The following GPC4 variants were observed in gnomAD, a reference collection of about 807,000 sequenced individuals.
GPC4 encodes the protein glypican 4, also known as glypican-4.
Under a neutral mutation model 35.0 loss-of-function variants are expected in GPC4, and 10 were observed. The ratio of observed to expected loss-of-function variants is 0.29; its 90% confidence interval spans 0.18 to 0.48. The LOEUF (loss-of-function observed/expected upper bound fraction) is 0.48, where lower values mean the gene tolerates loss of function less well. Among genes scored for constraint, GPC4 ranks in the 20% least tolerant of loss-of-function variants. The pLI is 0.99. For synonymous variants in GPC4, 167 were observed against 170.2 expected (o/e 0.98, Z 0.15); for missense variants, 322 against 451.3 (o/e 0.71, Z 2.60).
intron 1 of GPC4, among the ~76,000 whole-genome samples, chrX:133,370,953 T>C (rs2068610374): frequency 8.9e-6 from 1 of 112,283 alleles, no homozygotes; most frequent in African/African-American, 3.2e-5. Context: ...CAATCCTTAA[T>C]GCTTTTGTTT....
chrX:133,332,406 AT>A (rs1317802439), intron 2 of GPC4, among the ~76,000 whole-genome samples: 2 of 106,945 alleles, frequency 1.9e-5, no homozygotes, highest in Non-Finnish European at 3.9e-5. Context: ...CAGAAGCATC[AT>A]TTTTTTTTTC....
intron 1 of GPC4, among the ~76,000 whole-genome samples, chrX:133,368,947 A>G (rs1287222456): frequency 9.0e-6 from 1 of 111,342 alleles, no homozygotes; most frequent in Non-Finnish European, 1.9e-5. Flanking sequence ...CGCCCGACCG[A>G]GTAACATTAT....
intron 1 of GPC4, among the ~76,000 whole-genome samples, chrX:133,402,761 A>G (rs1385730085): frequency 2.7e-5 from 3 of 110,123 alleles, no homozygotes; most frequent in Middle Eastern, 4.3e-3. Context: ...AAATTAGCCG[A>G]GCATGGTGGC....
In GPC4 at chrX:133,318,129, T is replaced by A. The variant is rs749652076; in HGVS notation, c.711+6016A>T. The stretch of plus-strand genomic sequence containing the variant: ...TTCAATTTGACACCTCCTGTACTCC[T>A]ACCATCCTCACCCCTTCCCCACTCC... On this transcript the variant is annotated intron_variant, in intron 3 of 8. Coordinates refer to ENST00000370828, the MANE Select transcript of GPC4 (RefSeq NM_001448.3). Among the ~76,000 whole-genome samples, 4 of 111,809 alleles carry A rather than the reference T, an allele frequency of 3.6e-5. No individual in the cohort carries two copies. In the South Asian group the frequency reaches 1.1e-3, roughly 32 times the overall value.
At chrX:133,325,198 G>A (rs1208875836) in intron 2 of GPC4, among the ~76,000 whole-genome samples, 2 of 110,609 alleles carry the variant, frequency 1.8e-5, no homozygotes, top group African/African-American at 6.6e-5. Flanking sequence ...TATCCAGCTT[G>A]ATCCTGGGTT....
intron 2 of GPC4, among the ~76,000 whole-genome samples, chrX:133,330,860 T>G (rs1257251620): frequency 9.0e-6 from 1 of 110,951 alleles, no homozygotes; most frequent in Non-Finnish European, 1.9e-5. Flanking sequence ...GGAGAATCGC[T>G]TAAGCCCAGG....
chrX:133,359,494 A>G (rs1002602913), intron 1 of GPC4, among the ~76,000 whole-genome samples: 2 of 111,540 alleles, frequency 1.8e-5, no homozygotes, highest in Non-Finnish European at 3.8e-5. Context: ...TTAAACACAA[A>G]ATAAAATCTA....
In GPC4 at chrX:133,319,721, C is replaced by T. The variant is rs767137776; in HGVS notation, c.711+4424G>A. 1.6e-3 allele frequency among the ~76,000 whole-genome samples: 178 copies of T among 110,910 alleles called. 1 individual carries two copies. Among genetic ancestry groups the T allele is most frequent in the African/African-American group, 5.5e-3 (168 of 30,513 alleles). On this transcript the variant is annotated intron_variant, in intron 3 of 8. Transcript: ENST00000370828. ...TATATAAAAAACATTACTTGGGTAT[C>T]CAAACTGGTAGAGAATCTTATTTAT...
chrX:133,301,401 T>C lies in GPC4; in HGVS notation c.*1466A>G, dbSNP rs150900762. On this transcript the variant is annotated 3_prime_UTR_variant, in exon 9 of 9. Transcript: ENST00000370828. ...GATTTGTTACATTATCAGAGTTTTA[T>C]GAGCTATCATTTGGTAAGGACACAA... 199 of 112,844 alleles carry C rather than the reference T, an allele frequency of 1.8e-3. No individual in the cohort carries two copies. The highest frequency in any genetic ancestry group is 5.2e-3 in the African/African-American group (161 of 31,138). 9.3% of individuals were successfully genotyped at this position (112,844 alleles called of 1,213,427 possible).
At chrX:133,320,829 G>A (rs1489963181) in intron 3 of GPC4, among the ~76,000 whole-genome samples, 7 of 108,874 alleles carry the variant, frequency 6.4e-5, no homozygotes, top group South Asian at 4.0e-4. Context: ...GCAACACAGC[G>A]CGACTCTGTC....
At chrX:133,366,003 G>C (rs2068588272) in intron 1 of GPC4, among the ~76,000 whole-genome samples, 1 of 112,059 alleles carries the variant, frequency 8.9e-6, no homozygotes, top group African/African-American at 3.2e-5. Context: ...TCCCTCAAGA[G>C]CTGGACAGAA....
chrX:133,300,381 G>C lies in GPC4; in HGVS notation c.*2486C>G, dbSNP rs887521111. 1 of 112,179 alleles carries C rather than the reference G, an allele frequency of 8.9e-6. No homozygotes were observed. Among genetic ancestry groups the C allele is most frequent in the Non-Finnish European group, 1.9e-5 (1 of 53,289 alleles). 9.2% of individuals were successfully genotyped at this position (112,179 alleles called of 1,213,427 possible). A position where few individuals can be genotyped will look rare whatever the true frequency, so the allele number is the denominator to read the frequency against. On this transcript the variant is annotated 3_prime_UTR_variant, in exon 9 of 9. Coordinates refer to ENST00000370828, the MANE Select transcript of GPC4 (RefSeq NM_001448.3). ...TTTGTAAAACACAAGCCCTTCACAT[G>C]CTGTTAACTTTGGAAAAGTCAGGTC... is the stretch of plus-strand genomic sequence containing the variant.
intron 1 of GPC4, among the ~76,000 whole-genome samples, chrX:133,392,584 A>C (rs763040658): frequency 9.3e-6 from 1 of 107,777 alleles, no homozygotes; most frequent in African/African-American, 3.4e-5. Context: ...AAGGTAAAGA[A>C]AGACATAGAA....
chrX:133,387,897 C>T (rs147602649), intron 1 of GPC4, among the ~76,000 whole-genome samples: 197 of 111,755 alleles, frequency 1.8e-3, no homozygotes, highest in African/African-American at 5.3e-3. Context: ...AGTATCCATC[C>T]AGCTCAGAGT....
chrX:133,330,514 G>GT (rs1272701251), intron 2 of GPC4, among the ~76,000 whole-genome samples: 1 of 110,264 alleles, frequency 9.1e-6, no homozygotes, highest in Non-Finnish European at 1.9e-5. Flanking sequence ...GTCTGCATAT[G>GT]TTTTTTTGTT....
At chrX:133,391,037 C>T (rs982123362) in intron 1 of GPC4, among the ~76,000 whole-genome samples, 3 of 111,820 alleles carry the variant, frequency 2.7e-5, no homozygotes, top group African/African-American at 9.7e-5. Context: ...TAACATCAGA[C>T]CGGAAAGAAA....
chrX:133,318,902 T>C (rs1189309453), intron 3 of GPC4, among the ~76,000 whole-genome samples: 1 of 112,088 alleles, frequency 8.9e-6, no homozygotes, highest in African/African-American at 3.2e-5. Flanking sequence ...TCACTGGAGA[T>C]GTGGGCCCAG....
At position 133,379,314 on chromosome X, in the gene GPC4, C is replaced by G. The variant is rs767008180; in HGVS notation, c.160+35492G>C. Among the ~76,000 whole-genome samples the G allele has an allele frequency of 4.5e-5, 5 of 112,076 alleles. No individual in the cohort carries two copies. The South Asian group carries it at 1.9e-3, about 42-fold the overall frequency. ...TACGCTAAGTGAAAGAAACTAGACA[C>G]AAAAGTCATATATTGTATGATTCCA... On this transcript the variant is annotated intron_variant, in intron 1 of 8. Coordinates refer to ENST00000370828, the MANE Select transcript of GPC4 (RefSeq NM_001448.3).
intron 1 of GPC4, among the ~76,000 whole-genome samples, chrX:133,402,739 C>T (rs1402275293): frequency 9.1e-6 from 1 of 110,233 alleles, no homozygotes; most frequent in South Asian, 3.9e-4. Context: ...CCCGTCTCTA[C>T]TAAAAATACC....
Sources: allele counts gnomAD v4.1 joint callset (sites outside exome capture counted in the v4.1 genomes callset), GRCh38; gene constraint gnomAD v4.1.1; transcripts MANE v1.5; gene names NCBI Gene and HGNC (gene_info 2026-07-23, HGNC 2026-07-21).